Variants in DCAF1 observed in about 807,000 individuals in gnomAD.
DCAF1 encodes the protein DDB1 and CUL4 associated factor 1, also known as DDB1- and CUL4-associated factor 1.
A neutral mutation model predicts 128.0 loss-of-function variants in DCAF1; 15 were observed. The observed-to-expected ratio is 0.12, with a 90% CI of 0.08 to 0.18. DCAF1 has a LOEUF of 0.18. Among genes scored for constraint, DCAF1 ranks in the 10% least tolerant of loss-of-function variants. DCAF1 has a pLI of 1.00. For synonymous variants in DCAF1, 610 were observed against 603.0 expected (o/e 1.01, Z -0.17); for missense variants, 988 against 1,649.5 (o/e 0.60, Z 6.95).
chr3:51,402,698 C>T (rs1273109627), intron 24 of DCAF1, among the ~76,000 whole-genome samples: 1 of 151,704 alleles, frequency 6.6e-6, no homozygotes, highest in East Asian at 1.9e-4. Context: ...CCTCAGCCTC[C>T]CAAGTAGCTG....
At chr3:51,405,515 G>A (rs782002469) in intron 23 of DCAF1, among the ~76,000 whole-genome samples, 3 of 151,680 alleles carry the variant, frequency 2.0e-5, no homozygotes, top group African/African-American at 7.3e-5. Context: ...AGAGAGGAGG[G>A]GAAATTAGTA....
chr3:51,486,816 T>C (rs886402912), intron 2 of DCAF1, among the ~76,000 whole-genome samples: 4 of 151,802 alleles, frequency 2.6e-5, no homozygotes, highest in African/African-American at 9.7e-5. Context: ...GTATTTTTAG[T>C]AGAGATAGAG....
chr3:51,448,990 A>C (rs1372797378), intron 6 of DCAF1, among the ~76,000 whole-genome samples: 3 of 152,122 alleles, frequency 2.0e-5, no homozygotes, highest in Non-Finnish European at 4.4e-5. Context: ...GAAATCTCAC[A>C]ATCTTTTCTA....
intron 24 of DCAF1, among the ~76,000 whole-genome samples, chr3:51,402,920 C>T (rs1367475247): frequency 6.6e-6 from 1 of 152,142 alleles, no homozygotes; most frequent in Non-Finnish European, 1.5e-5. Context: ...CTGCCAATCT[C>T]TACTTGAAAG....
intron 6 of DCAF1, among the ~76,000 whole-genome samples, chr3:51,449,709 A>G (rs1348439548): frequency 6.6e-6 from 1 of 152,168 alleles, no homozygotes; most frequent in African/African-American, 2.4e-5. Flanking sequence ...AATGAAACTA[A>G]AAGTTCTTCA....
Position 51,422,343 on chromosome 3 carries a change from C to T in DCAF1, c.1936G>A (p.Val646Met), listed in dbSNP as rs782355059. ...ACTGTAGATCCAGCCTCATCCAACA[C>T]GTCCACTGATTCTGCCAACTGGAGC... Reference protein sequence around the residue: ...IQLQLAESVDVLDEAGSTVST... With the variant: ...IQLQLAESVDMLDEAGSTVST... The change falls in exon 14 of 25, where the codon GTG becomes ATG. Residue 646 changes from valine (V) to methionine (M), a missense_variant. Transcript: ENST00000684031. 2 of 765,240 alleles carry T rather than the reference C, an allele frequency of 2.6e-6. No homozygotes were observed. Among genetic ancestry groups the T allele is most frequent in the Non-Finnish European group, 2.4e-6 (1 of 410,630 alleles). The allele number at this position is 765,240 out of a possible 1,614,324, so 47.4% of individuals were successfully genotyped here.
At chr3:51,500,052 C>G (rs1294951165), upstream of DCAF1, 1 of 144,752 alleles carries the variant, frequency 6.9e-6, no homozygotes. Context: ...CGCGCGCGCG[C>G]TCGCGCCTAC....
rs1553631411 is a variant in DCAF1, at chr3:51,418,773, T to C, written c.3340A>G (p.Thr1114Ala). The change falls in exon 16 of 25, where the codon ACA becomes GCA. Residue 1114 changes from threonine (T) to alanine (A), a missense_variant. Thr to Ala is a moderately conservative substitution (Grantham distance 58). Coordinates refer to ENST00000684031, the MANE Select transcript of DCAF1 (RefSeq NM_001387579.1). ...RERFLMLGTCTGQLKLYNVFS... is the reference protein window; with the variant it reads ...RERFLMLGTCAGQLKLYNVFS... ...ACATTATAGAGCTTCAGCTGCCCTGTGCAGGTGCCAAGCATCAGGAACCGC... is the reference window on the plus strand; with the variant it reads ...ACATTATAGAGCTTCAGCTGCCCTGCGCAGGTGCCAAGCATCAGGAACCGC... 2 of 1,614,036 alleles carry C rather than the reference T, an allele frequency of 1.2e-6. No homozygotes were observed. Among genetic ancestry groups the C allele is most frequent in the Non-Finnish European group, 1.7e-6 (2 of 1,179,898 alleles).
At chr3:51,502,099 C>T (rs1179827287), upstream of DCAF1, among the ~76,000 whole-genome samples, 1 of 152,108 alleles carries the variant, frequency 6.6e-6, no homozygotes, top group East Asian at 1.9e-4. Flanking sequence ...GGATATCTCC[C>T]CTCTGACTAT....
intron 5 of DCAF1, among the ~76,000 whole-genome samples, chr3:51,463,444 G>C (rs1463327233): frequency 2.0e-5 from 3 of 152,064 alleles, no homozygotes; most frequent in African/African-American, 7.2e-5. Flanking sequence ...TTCTTCTGCA[G>C]CTTTAAAGCC....
intron 15 of DCAF1, 44 bp downstream of exon 15, chr3:51,419,690 G>A (rs782676583): frequency 6.5e-7 from 1 of 1,544,100 alleles, no homozygotes; most frequent in Admixed American, 2.1e-5. Flanking sequence ...TTAAATAAAA[G>A]AATCATTCCA....
Position 51,403,204 on chromosome 3 carries a change from T to C in DCAF1, c.4404A>G (p.Gly1468=), listed in dbSNP as rs1553625500. The C allele has an allele frequency of 2.5e-6, 4 of 1,613,878 alleles. No individual in the cohort carries two copies. The Admixed American group carries it at 6.7e-5, about 27-fold the overall frequency. Residue 1468 remains glycine (G), a synonymous_variant, in exon 24 of 25, where the codon GGA becomes GGG. Transcript: ENST00000684031. The part of the protein sequence containing the change: ...DEELANLLEE[G]EDGEDEDSDA... ...CAGAGTCTTCATCCTCCCCGTCCTC[T>C]CCCTCCTCTAGAAGGTTTGCTAGCT...
chr3:51,454,328 T>C lies in DCAF1; in HGVS notation c.375+8786A>G, dbSNP rs530961587. Among the ~76,000 whole-genome samples the C allele has an allele frequency of 2.5e-4, 38 of 152,252 alleles. No individual in the cohort carries two copies. In the East Asian group the frequency reaches 5.6e-3, roughly 23 times the overall value. ...CCTCACAAACTCCTGGGATTACAGA[T>C]ATGAGCCAACTCACCTGGCCCTAAT... is the stretch of plus-strand genomic sequence containing the variant. On this transcript the variant is annotated intron_variant, in intron 6 of 24. Transcript: ENST00000684031.
At chr3:51,439,468 G>C (rs1701163156) in intron 9 of DCAF1, among the ~76,000 whole-genome samples, 1 of 128,644 alleles carries the variant, frequency 7.8e-6, no homozygotes, top group Non-Finnish European at 1.6e-5. Context: ...TTGAGACAGA[G>C]TCTCACTCTG....
At position 51,420,880 on chromosome 3, in the gene DCAF1, G is replaced by C; in HGVS notation, c.2090C>G (p.Ser697Cys). 1 of 1,613,986 alleles carries C rather than the reference G, an allele frequency of 6.2e-7. No homozygotes were observed. Among genetic ancestry groups the C allele is most frequent in the East Asian group, 2.2e-5 (1 of 44,878 alleles). Residue 697 changes from serine to cysteine, a missense_variant, in exon 15 of 25, where the codon TCC becomes TGC. Around this residue, in one of 11 missense-constraint regions of DCAF1, gnomAD observed 185 missense variants for 248.1 expected, o/e 0.75. Transcript: ENST00000684031. The surrounding 1 kb of genome is among the most constrained non-coding windows in gnomAD (Gnocchi z 6.5). ...ACCAGAGATAAATTTACCAATACTG[G>C]ATATTCGGTTATCTGGGCCACACAC... is the stretch of plus-strand genomic sequence containing the variant. The part of the protein sequence containing the change: ...NCVCGPDNRI[S>C]SIGKFISGTP...
chr3:51,426,357 G>A (rs187282787), intron 13 of DCAF1, among the ~76,000 whole-genome samples: 39 of 151,876 alleles, frequency 2.6e-4, no homozygotes, highest in East Asian at 1.2e-3. Context: ...CTACAGGTGC[G>A]TAACACCACC....
At chr3:51,434,034 A>T (rs1700606541) in intron 9 of DCAF1, among the ~76,000 whole-genome samples, 1 of 151,214 alleles carries the variant, frequency 6.6e-6, no homozygotes, top group South Asian at 2.1e-4. Flanking sequence ...GTGCACCAAG[A>T]TTGCACCACT....
Position 51,419,666 on chromosome 3 carries a change from C to T in DCAF1, c.3236+68G>A, listed in dbSNP as rs1577086398. ...GTATTTCAGGACAACTATGCTGATA[C>T]TGCCCAGTTTGATTTAAATAAAAGA... is the stretch of plus-strand genomic sequence containing the variant. On this transcript the variant is annotated intron_variant, in intron 15 of 24. Coordinates refer to ENST00000684031, the MANE Select transcript of DCAF1 (RefSeq NM_001387579.1). 6 of 1,528,506 alleles carry T rather than the reference C, an allele frequency of 3.9e-6. No individual in the cohort carries two copies. In the East Asian group the frequency reaches 9.0e-5, roughly 23 times the overall value. The allele number at this position is 1,528,506 out of a possible 1,614,324, so 94.7% of individuals were successfully genotyped here.
chr3:51,430,912 A>G (rs1439263844), intron 10 of DCAF1, among the ~76,000 whole-genome samples: 1 of 152,204 alleles, frequency 6.6e-6, no homozygotes, highest in Non-Finnish European at 1.5e-5. Flanking sequence ...ATGTCCCAGA[A>G]ATAGAAGTAA....
Sources: allele counts gnomAD v4.1 joint callset (sites outside exome capture counted in the v4.1 genomes callset), GRCh38; gene constraint gnomAD v4.1.1; regional missense constraint gnomAD v4.1.1; non-coding constraint Gnocchi (gnomAD v3.1); transcripts MANE v1.5; gene names NCBI Gene and HGNC (gene_info 2026-07-23, HGNC 2026-07-21).